Variants in SORCS1 observed in about 807,000 individuals in gnomAD.
The protein encoded by SORCS1 is sortilin related VPS10 domain containing receptor 1, also known as VPS10 domain-containing receptor SorCS1.
A neutral mutation model predicts 146.1 loss-of-function variants in SORCS1; 60 were observed. That is an observed-to-expected ratio of 0.41 (90% CI 0.33 to 0.51). The LOEUF (loss-of-function observed/expected upper bound fraction) is 0.51. SORCS1 is among the 20% of genes least tolerant of loss of function. SORCS1 has a pLI of 0.21. For synonymous variants in SORCS1, 637 were observed against 584.0 expected, an observed-to-expected ratio of 1.09 and a Z score of -1.31; for missense variants, 1,352 against 1,487.6, an observed-to-expected ratio of 0.91 and a Z score of 1.50.
chr10:106,692,298 C>G (rs1853353684), intron 9 of SORCS1, among the ~76,000 whole-genome samples: 1 of 152,176 alleles, frequency 6.6e-6, no homozygotes, highest in Non-Finnish European at 1.5e-5. Context: ...AACTCCTGGG[C>G]TCAAGCAAGC....
At chr10:106,852,627 CAAAAA>C (rs370300215) in intron 2 of SORCS1, among the ~76,000 whole-genome samples, 12 of 85,020 alleles carry the variant, frequency 1.4e-4, no homozygotes, top group African/African-American at 4.2e-4. Flanking sequence ...GACCCTGTCT[CAAAAA>C]AAAAAAAAAA....
intron 2 of SORCS1, among the ~76,000 whole-genome samples, chr10:106,907,772 C>G (rs1951973402): frequency 6.6e-6 from 1 of 151,708 alleles, no homozygotes; most frequent in Non-Finnish European, 1.5e-5. Flanking sequence ...ACCAAAAATA[C>G]AAAAATTAGC....
At chr10:106,918,152 A>C (rs757903623) in intron 2 of SORCS1, among the ~76,000 whole-genome samples, 2 of 152,016 alleles carry the variant, frequency 1.3e-5, no homozygotes, top group African/African-American at 4.8e-5. Context: ...AACCCAAGAA[A>C]AGACATTTCT....
chr10:107,051,225 T>C (rs923616640), intron 1 of SORCS1, among the ~76,000 whole-genome samples: 2 of 152,156 alleles, frequency 1.3e-5, no homozygotes, highest in African/African-American at 4.8e-5. Context: ...CCACGTGTTA[T>C]GAGGATAAGA....
the SORCS1 span, among the ~76,000 whole-genome samples, chr10:107,174,506 C>T: frequency 6.6e-6 from 1 of 152,164 alleles, no homozygotes; most frequent in Admixed American, 6.5e-5. Context: ...CCGCACCCGG[C>T]CACATCTTTC....
chr10:107,140,440 T>C (rs574704384), intron 1 of SORCS1, among the ~76,000 whole-genome samples: 14 of 152,312 alleles, frequency 9.2e-5, no homozygotes, highest in African/African-American at 3.1e-4. Context: ...GACTTGTAAA[T>C]GTTGAGTTTT....
intron 16 of SORCS1, among the ~76,000 whole-genome samples, chr10:106,670,754 C>T (rs553164603): frequency 5.5e-4 from 82 of 148,522 alleles, no homozygotes; most frequent in African/African-American, 1.9e-3. Context: ...AGTGCAGTGG[C>T]GCGATCGTGG....
chr10:106,698,792 T>A (rs778824484), intron 9 of SORCS1, among the ~76,000 whole-genome samples: 6 of 152,200 alleles, frequency 3.9e-5, no homozygotes, highest in Non-Finnish European at 7.3e-5. Flanking sequence ...AAATGGAGTG[T>A]CTTCTGCTGG....
chr10:106,748,142 T>C (rs1036431352), intron 5 of SORCS1, among the ~76,000 whole-genome samples: 1 of 152,332 alleles, frequency 6.6e-6, no homozygotes, highest in Non-Finnish European at 1.5e-5. Flanking sequence ...TCTTCATAGA[T>C]ACTGAGTTTT....
chr10:106,803,403 G>A (rs960601904), intron 3 of SORCS1, among the ~76,000 whole-genome samples: 1 of 152,092 alleles, frequency 6.6e-6, no homozygotes, highest in African/African-American at 2.4e-5. Flanking sequence ...ATTGTAAAAG[G>A]CTAGTTTTTA....
chr10:107,006,348 A>G (rs1957441915), intron 1 of SORCS1, among the ~76,000 whole-genome samples: 1 of 152,206 alleles, frequency 6.6e-6, no homozygotes, highest in African/African-American at 2.4e-5. Flanking sequence ...ACAGGGAGGA[A>G]AAACAGGTGT....
At chr10:107,096,866 T>A (rs537266835) in intron 1 of SORCS1, among the ~76,000 whole-genome samples, 2 of 152,162 alleles carry the variant, frequency 1.3e-5, no homozygotes, top group African/African-American at 4.8e-5. Flanking sequence ...CAACTCACTC[T>A]TAACCCAAGA....
At chr10:106,758,931 A>G (rs749369410) in intron 5 of SORCS1, among the ~76,000 whole-genome samples, 1 of 152,322 alleles carries the variant, frequency 6.6e-6, no homozygotes, top group South Asian at 2.1e-4. Flanking sequence ...ATGTCTCATT[A>G]TGATAGGGGA....
At chr10:107,077,903 G>A (rs1963020592) in intron 1 of SORCS1, among the ~76,000 whole-genome samples, 1 of 152,104 alleles carries the variant, frequency 6.6e-6, no homozygotes, top group African/African-American at 2.4e-5. Flanking sequence ...CTTAGAAAGA[G>A]AATTAGGGTG....
intron 3 of SORCS1, among the ~76,000 whole-genome samples, chr10:106,809,002 T>C (rs527286670): frequency 9.2e-5 from 14 of 152,322 alleles, no homozygotes; most frequent in African/African-American, 3.4e-4. Flanking sequence ...TGCAGGAATC[T>C]GGAAGCAGTT....
chr10:107,086,787 T>C (rs1212753462), intron 1 of SORCS1, among the ~76,000 whole-genome samples: 2 of 152,180 alleles, frequency 1.3e-5, no homozygotes, highest in Non-Finnish European at 2.9e-5. Context: ...CCCAGCACTT[T>C]GGGAGGCCAA....
intron 2 of SORCS1, among the ~76,000 whole-genome samples, chr10:106,912,386 A>G (rs1952210690): frequency 6.6e-6 from 1 of 152,008 alleles, no homozygotes; most frequent in Admixed American, 6.6e-5. Flanking sequence ...TGATCCTTTT[A>G]TTTCTTACAT....
intron 1 of SORCS1, among the ~76,000 whole-genome samples, chr10:107,063,715 T>C (rs1158455894): frequency 6.6e-6 from 1 of 152,246 alleles, no homozygotes; most frequent in Non-Finnish European, 1.5e-5. Flanking sequence ...CTTAGCTTTA[T>C]ATGTTTAACA....
At chr10:106,583,131 T>C (rs1845020723) in intron 24 of SORCS1, among the ~76,000 whole-genome samples, 1 of 152,186 alleles carries the variant, frequency 6.6e-6, no homozygotes, top group South Asian at 2.1e-4. Flanking sequence ...TAAAATGAGA[T>C]GGAATTTATA....
Sources: allele counts gnomAD v4.1 joint callset (sites outside exome capture counted in the v4.1 genomes callset), GRCh38; gene constraint gnomAD v4.1.1; transcripts MANE v1.5; gene names NCBI Gene and HGNC (gene_info 2026-07-23, HGNC 2026-07-21).